Variants in RAB38 observed in about 807,000 individuals in gnomAD.
RAB38 encodes the protein ras-related protein Rab-38.
A neutral mutation model predicts 18.4 loss-of-function variants in RAB38; 15 were observed. That is an observed-to-expected ratio of 0.82 (90% CI 0.55 to 1.26). The LOEUF is 1.26. Ranked by LOEUF, RAB38 falls within the 50% of genes most tolerant of loss-of-function variation. The pLI is 0.00. For synonymous variants in RAB38, 101 were observed against 104.4 expected, an observed-to-expected ratio of 0.97 and a Z score of 0.20; for missense variants, 294 against 267.4, an observed-to-expected ratio of 1.10 and a Z score of -0.69.
chr11:88,112,808 A>ATATG (rs1038588882), downstream of RAB38, among the ~76,000 whole-genome samples: 2 of 151,726 alleles, frequency 1.3e-5, no homozygotes, highest in African/African-American at 4.8e-5. Flanking sequence ...ATATATATAT[A>ATATG]TATGTATATA....
the RAB38 span, among the ~76,000 whole-genome samples, chr11:88,092,651 T>C: frequency 3.3e-5 from 5 of 151,866 alleles, no homozygotes; most frequent in Admixed American, 3.3e-4. Flanking sequence ...ATCTGAACCA[T>C]GTCAAAGAAT....
the RAB38 span, among the ~76,000 whole-genome samples, chr11:87,963,323 C>T: frequency 6.6e-6 from 1 of 152,052 alleles, no homozygotes; most frequent in Admixed American, 6.6e-5. Context: ...AACCTTATGT[C>T]TTGGTACACA....
chr11:88,049,695 TG>T, the RAB38 span, among the ~76,000 whole-genome samples: 266 of 152,282 alleles, frequency 1.7e-3, 1 homozygote, highest in African/African-American at 6.1e-3. Context: ...CCTCTCCTCC[TG>T]CTCTTTGCTC....
chr11:87,871,510 C>T, the RAB38 span, among the ~76,000 whole-genome samples: 11 of 151,588 alleles, frequency 7.3e-5, no homozygotes, highest in Non-Finnish European at 1.3e-4. Flanking sequence ...TAGTGCTTTC[C>T]AGTTAAAAGC....
chr11:87,881,364 G>A, the RAB38 span, among the ~76,000 whole-genome samples: 31,017 of 151,802 alleles, frequency 0.2, 5,908 homozygotes, highest in African/African-American at 0.5. Context: ...TGCCTATCCA[G>A]TTGTTAATAA....
the RAB38 span, among the ~76,000 whole-genome samples, chr11:87,831,405 G>C: frequency 1.3e-5 from 2 of 152,178 alleles, no homozygotes; most frequent in East Asian, 3.9e-4. Flanking sequence ...AAGTGCCAAA[G>C]AGCATGGATC....
At chr11:88,133,343 T>C (rs1033129498) in intron 2 of RAB38, among the ~76,000 whole-genome samples, 5 of 152,236 alleles carry the variant, frequency 3.3e-5, no homozygotes, top group Non-Finnish European at 5.9e-5. Flanking sequence ...AAATGTTATA[T>C]ATTAACATTT....
chr11:88,168,581 C>G (rs1445764500), intron 1 of RAB38, among the ~76,000 whole-genome samples: 1 of 152,130 alleles, frequency 6.6e-6, no homozygotes, highest in Non-Finnish European at 1.5e-5. Context: ...TTCCGATCAC[C>G]CCTAAATTTC....
the RAB38 span, among the ~76,000 whole-genome samples, chr11:87,914,024 C>G: frequency 6.6e-6 from 1 of 151,694 alleles, no homozygotes; most frequent in African/African-American, 2.4e-5. Context: ...AAAACTGGTA[C>G]CAGGAATGGA....
chr11:88,060,961 C>A, the RAB38 span, among the ~76,000 whole-genome samples: 1 of 152,090 alleles, frequency 6.6e-6, no homozygotes, highest in Admixed American at 6.6e-5. Flanking sequence ...AATAAAAAGA[C>A]TTTGGAATCG....
At chr11:88,032,782 C>A in the RAB38 span, among the ~76,000 whole-genome samples, 1 of 152,184 alleles carries the variant, frequency 6.6e-6, no homozygotes, top group Non-Finnish European at 1.5e-5. Flanking sequence ...GTTGGTGGGA[C>A]TGTAAACTAG....
At chr11:87,821,362 A>G in the RAB38 span, among the ~76,000 whole-genome samples, 1 of 152,236 alleles carries the variant, frequency 6.6e-6, no homozygotes, top group Non-Finnish European at 1.5e-5. Flanking sequence ...ACTCATTAGA[A>G]GTATGTCTGA....
chr11:87,973,310 T>G, the RAB38 span, among the ~76,000 whole-genome samples: 1 of 152,106 alleles, frequency 6.6e-6, no homozygotes, highest in Non-Finnish European at 1.5e-5. Context: ...AATAAGAATT[T>G]TAGTTCTCTA....
At chr11:87,816,802 G>A in the RAB38 span, among the ~76,000 whole-genome samples, 2 of 151,920 alleles carry the variant, frequency 1.3e-5, no homozygotes, top group African/African-American at 4.8e-5. Flanking sequence ...TAAATATCCT[G>A]GGAGCTTGTA....
chr11:88,111,761 T>C (rs138232905), downstream of RAB38, among the ~76,000 whole-genome samples: 15 of 152,352 alleles, frequency 9.8e-5, no homozygotes, highest in Non-Finnish European at 1.5e-4. Flanking sequence ...ACTGAGTTTC[T>C]CATTGATGCA....
chr11:88,016,942 A>G, the RAB38 span, among the ~76,000 whole-genome samples: 55 of 152,126 alleles, frequency 3.6e-4, no homozygotes, highest in Non-Finnish European at 6.5e-4. Flanking sequence ...AGGATGGATT[A>G]AGCAGACTTG....
At chr11:87,934,269 C>G in the RAB38 span, among the ~76,000 whole-genome samples, 2 of 152,086 alleles carry the variant, frequency 1.3e-5, no homozygotes, top group African/African-American at 4.8e-5. Flanking sequence ...TATTTATTAC[C>G]TACAGAAGCA....
intron 1 of RAB38, among the ~76,000 whole-genome samples, chr11:88,165,272 C>T (rs1193895676): frequency 6.6e-6 from 1 of 152,068 alleles, no homozygotes; most frequent in African/African-American, 2.4e-5. Flanking sequence ...GTGCATATCC[C>T]AGCATGACCT....
the RAB38 span, among the ~76,000 whole-genome samples, chr11:88,008,396 GA>G: frequency 9.2e-5 from 14 of 152,198 alleles, no homozygotes; most frequent in South Asian, 1.2e-3. Flanking sequence ...GTTACCAGAA[GA>G]AGAGCATTAG....
Sources: allele counts gnomAD v4.1 joint callset (sites outside exome capture counted in the v4.1 genomes callset), GRCh38; gene constraint gnomAD v4.1.1; transcripts MANE v1.5; gene names NCBI Gene and HGNC (gene_info 2026-07-23, HGNC 2026-07-21).